ARHGEF4: variants seen among roughly 807,000 people sequenced by gnomAD.
ARHGEF4 encodes the protein APC-stimulated guanine nucleotide exchange factor 1.
In ARHGEF4, 119 loss-of-function variants were observed where a neutral mutation model predicts 162.0. The ratio of observed to expected loss-of-function variants is 0.73; its 90% CI spans 0.63 to 0.86. The LOEUF (loss-of-function observed/expected upper bound fraction) is 0.86, where lower values mean the gene tolerates loss of function less well. Ranked by LOEUF, ARHGEF4 falls within the 40% of genes least tolerant of loss-of-function variation. The pLI is 0.00. For missense variants in ARHGEF4, 2,488 were observed against 2,456.0 expected, an observed-to-expected ratio of 1.01 and a Z score of -0.28; for synonymous variants, 1,014 against 979.9, an observed-to-expected ratio of 1.03 and a Z score of -0.65.
intron 4 of ARHGEF4, among the ~76,000 whole-genome samples, chr2:130,954,573 A>G (rs907217122): frequency 5.3e-5 from 8 of 152,354 alleles, no homozygotes; most frequent in African/African-American, 1.9e-4. Context: ...CAAATATTAA[A>G]AAATCCTTTT....
Position 130,916,318 on chromosome 2 carries a change from G to A in ARHGEF4, c.2372G>A (p.Arg791His). The A allele has an allele frequency of 6.5e-7, 1 of 1,542,816 alleles. No homozygotes were observed. Among genetic ancestry groups the A allele is most frequent in the Non-Finnish European group, 8.7e-7 (1 of 1,145,036 alleles). Residue 791 changes from arginine to histidine, a missense_variant, in exon 2 of 14, where the codon CGC becomes CAC. Coordinates refer to ENST00000409359, the MANE Select transcript of ARHGEF4 (RefSeq NM_001367493.1). ...LRKGAQEPGK[R>H]PTFSKVTSFR... Reference sequence around the variant, plus strand: ...AAGGGCGCGCAGGAGCCTGGGAAGCGCCCGACGTTTTCCAAGGTGACCTCC... The same window carrying A: ...AAGGGCGCGCAGGAGCCTGGGAAGCACCCGACGTTTTCCAAGGTGACCTCC...
At chr2:130,963,755 C>A (rs1217143085) in intron 4 of ARHGEF4, 1 of 147,048 alleles carries the variant, frequency 6.8e-6, no homozygotes, top group Non-Finnish European at 1.5e-5. Context: ...GGGCAGCGAG[C>A]TGACGCGCTG....
chr2:130,974,272 G>GA lies in ARHGEF4; in HGVS notation c.3985+27651dup, dbSNP rs751083208. ...GGGCAACAGAGTGAGATCTTGTCTG[G>GA]AAAAAAAAAAAAAAGATAGAAACAT... On this transcript the variant is annotated intron_variant, in intron 4 of 13. Coordinates refer to ENST00000409359, the MANE Select transcript of ARHGEF4 (RefSeq NM_001367493.1). Among the ~76,000 whole-genome samples, 1,104 of 133,414 alleles carry GA rather than the reference G, an allele frequency of 8.3e-3. 7 individuals carry two copies. The highest frequency in any genetic ancestry group is 0.016 in the African/African-American group (573 of 36,400). 87.5% of individuals were successfully genotyped at this position (133,414 alleles called of 152,430 possible).
At chr2:130,912,727 A>C (rs1681264230) in intron 1 of ARHGEF4, among the ~76,000 whole-genome samples, 1 of 152,126 alleles carries the variant, frequency 6.6e-6, no homozygotes, top group Admixed American at 6.5e-5. Flanking sequence ...TGTGCACAGC[A>C]GTTTGTCAGA....
chr2:131,039,121 G>C, intron 6 of ARHGEF4, 89 bp downstream of exon 6: 3 of 1,442,994 alleles, frequency 2.1e-6, no homozygotes, highest in South Asian at 2.8e-5. Context: ...AACAGCTCTG[G>C]CATCCTAGGT....
intron 4 of ARHGEF4, among the ~76,000 whole-genome samples, chr2:131,007,800 C>CTTTTTTTTTTTTTTTTTTT (rs70994731): frequency 5.4e-5 from 3 of 55,920 alleles, no homozygotes; most frequent in Non-Finnish European, 9.6e-5. Context: ...CTTTTCTTTT[C>CTTTTTTTTTTTTTTTTTTT]TTTTTTTTTT....
intron 4 of ARHGEF4, among the ~76,000 whole-genome samples, chr2:130,955,175 A>G (rs1398703045): frequency 1.3e-5 from 2 of 152,196 alleles, no homozygotes; most frequent in African/African-American, 4.8e-5. Context: ...TTGGTGAGAC[A>G]CTGTCATCAC....
intron 5 of ARHGEF4, among the ~76,000 whole-genome samples, chr2:131,034,475 AG>A (rs1204655059): frequency 6.6e-6 from 1 of 152,162 alleles, no homozygotes; most frequent in Non-Finnish European, 1.5e-5. Context: ...GTCAGTGAAG[AG>A]GGGCCCCTCA....
At position 131,045,427 on chromosome 2, in the gene ARHGEF4, G is replaced by C. The variant is rs767802714; in HGVS notation, c.5460G>C (p.Gln1820His). Residue 1820 changes from glutamine to histidine, a missense_variant, in exon 13 of 14, where the codon CAG becomes CAC. By Grantham distance (24) the Gln-to-His change is conservative (BLOSUM62 0). Around this residue, in one of 6 missense-constraint regions of ARHGEF4, gnomAD observed 415 missense variants for 512.4 expected, o/e 0.81. Coordinates refer to ENST00000409359, the MANE Select transcript of ARHGEF4 (RefSeq NM_001367493.1). ...CCATGCTGAATGCCAGCAAGCAGCA[G>C]GTCACAGGGAAGCCCAAAGGTAGGC... is the stretch of plus-strand genomic sequence containing the variant. ...KQAMLNASKQ[Q>H]VTGKPKAVGR... is the part of the protein sequence containing the mutation. 3 of 1,613,620 alleles carry C rather than the reference G, an allele frequency of 1.9e-6. No homozygotes were observed. Among genetic ancestry groups the C allele is most frequent in the Non-Finnish European group, 1.7e-6 (2 of 1,180,010 alleles).
At chr2:130,954,362 T>C (rs754269609) in intron 4 of ARHGEF4, among the ~76,000 whole-genome samples, 7 of 152,092 alleles carry the variant, frequency 4.6e-5, no homozygotes, top group African/African-American at 1.7e-4. Context: ...ATGAGAACAC[T>C]TGGACACAGG....
Position 130,917,352 on chromosome 2 carries a change from C to T in ARHGEF4, c.3406C>T (p.Pro1136Ser). 1.3e-6 allele frequency: 2 copies of T among 1,550,556 alleles called. No homozygotes were observed. Among genetic ancestry groups the T allele is most frequent in the Non-Finnish European group, 8.7e-7 (1 of 1,146,998 alleles). ...CAGCAGTTCAGGGGACCCTGAAAGA[C>T]CCAAGATTCCCAAGGGCCAGACCAG... ...VDSSSGDPER[P>S]KIPKGQTSFL... is the part of the protein sequence containing the mutation. The change falls in exon 2 of 14, where the codon CCC becomes TCC. Residue 1136 changes from proline (P) to serine (S), a missense_variant. Physicochemically the swap from Pro to Ser is moderately conservative, Grantham distance 74 (BLOSUM62 -1). Around this residue, in one of 6 missense-constraint regions of ARHGEF4, gnomAD observed 1,642 missense variants for 1,481.5 expected, o/e 1.11. Coordinates refer to ENST00000409359, the MANE Select transcript of ARHGEF4 (RefSeq NM_001367493.1).
At chr2:130,997,403 C>T (rs1687468362) in intron 4 of ARHGEF4, among the ~76,000 whole-genome samples, 1 of 152,084 alleles carries the variant, frequency 6.6e-6, no homozygotes, top group African/African-American at 2.4e-5. Flanking sequence ...TAGGTCATTT[C>T]TAAATTGTGA....
chr2:130,922,610 G>A (rs1057447869), intron 2 of ARHGEF4, among the ~76,000 whole-genome samples: 1 of 152,184 alleles, frequency 6.6e-6, no homozygotes, highest in African/African-American at 2.4e-5. Flanking sequence ...TAAGGTATGT[G>A]GCATTTTATG....
At chr2:130,950,240 A>G (rs1683867849) in intron 4 of ARHGEF4, among the ~76,000 whole-genome samples, 1 of 152,166 alleles carries the variant, frequency 6.6e-6, no homozygotes, top group South Asian at 2.1e-4. Flanking sequence ...CACGTTTGGA[A>G]GGGTGGCCAA....
intron 5 of ARHGEF4, chr2:131,035,430 G>T (rs1443835774): frequency 5.3e-6 from 3 of 565,436 alleles, no homozygotes; most frequent in Non-Finnish European, 5.0e-6. Context: ...CCTGAGGGGC[G>T]TGGTGGCACG....
At chr2:130,926,758 A>G (rs1682312581) in intron 2 of ARHGEF4, among the ~76,000 whole-genome samples, 1 of 150,468 alleles carries the variant, frequency 6.6e-6, no homozygotes, top group African/African-American at 2.4e-5. Flanking sequence ...GTGGCTCAAC[A>G]GTCAAAGACA....
intron 4 of ARHGEF4, among the ~76,000 whole-genome samples, chr2:130,956,048 G>A (rs1432569056): frequency 2.0e-5 from 3 of 152,198 alleles, no homozygotes; most frequent in Non-Finnish European, 4.4e-5. Context: ...GGGAGGGAGA[G>A]CAGTAGCCTA....
intron 5 of ARHGEF4, among the ~76,000 whole-genome samples, chr2:131,030,538 C>A (rs190892198): frequency 1.3e-5 from 2 of 152,328 alleles, no homozygotes; most frequent in Admixed American, 1.3e-4. Context: ...CAGAGGAGAG[C>A]AGGAAGTCAG....
intron 3 of ARHGEF4, among the ~76,000 whole-genome samples, chr2:130,939,128 T>C (rs553191271): frequency 7.2e-5 from 11 of 152,262 alleles, no homozygotes; most frequent in Non-Finnish European, 5.9e-5. Flanking sequence ...AATGTTTAGC[T>C]CCCACTTATG....
Sources: gnomAD v4.1 joint callset for allele counts (sites outside exome capture counted in the v4.1 genomes callset) on GRCh38, gnomAD v4.1.1 for gene constraint, gnomAD v4.1.1 regional missense constraint, MANE v1.5 for transcripts, NCBI Gene and HGNC (gene_info 2026-07-23, HGNC 2026-07-21) for gene names.